The following MARS1 variants were observed in gnomAD, a reference collection of about 807,000 sequenced individuals.
The protein encoded by MARS1 is methionine--tRNA ligase, cytoplasmic.
In MARS1, 80 loss-of-function variants were observed where a neutral mutation model predicts 119.5. That is an observed-to-expected ratio of 0.67 (90% CI 0.56 to 0.81). The LOEUF (loss-of-function observed/expected upper bound fraction) is 0.81. MARS1 is among the 30% of genes least tolerant of loss of function. MARS1 has a pLI of 0.00. For synonymous variants in MARS1, 418 were observed against 433.4 expected (o/e 0.96, Z 0.44); for missense variants, 945 against 1,116.5 (o/e 0.85, Z 2.19).
At chr12:57,498,676 C>T (rs1876764115) in intron 9 of MARS1, 53 bp downstream of exon 9, 1 of 1,549,328 alleles carries the variant, frequency 6.5e-7, no homozygotes, top group South Asian at 1.1e-5. Context: ...AGACTGGGAA[C>T]AGTGGGAGTA....
At position 57,498,253 on chromosome 12, in the gene MARS1, C is replaced by T. The variant is rs764870776; in HGVS notation, c.867C>T (p.Leu289=). The change falls in exon 8 of 21, where the codon CTC becomes CTT. Residue 289 remains leucine (L), a synonymous_variant. Coordinates refer to ENST00000262027, the MANE Select transcript of MARS1 (RefSeq NM_004990.4). The part of the protein sequence containing the change: ...PHLGNIIGCV[L]SADVFARYSR... ...TTGGGAACATCATTGGTTGTGTGCT[C>T]AGTGCCGATGTCTTTGCCAGGTGGA... 6.2e-7 allele frequency: 1 copy of T among 1,614,150 alleles called. No homozygotes were observed. Among genetic ancestry groups the T allele is most frequent in the Admixed American group, 1.7e-5 (1 of 60,022 alleles).
chr12:57,511,947 C>A (rs1877542745), intron 12 of MARS1, 61 bp from the exon 13 acceptor site: 1 of 1,604,304 alleles, frequency 6.2e-7, no homozygotes, highest in East Asian at 2.2e-5. Context: ...CTGATTATGT[C>A]TTGTTTCAGT....
At chr12:57,493,701 T>A (rs1455360074) in intron 7 of MARS1, among the ~76,000 whole-genome samples, 2 of 8,612 alleles carry the variant, frequency 2.3e-4, no homozygotes, top group African/African-American at 9.1e-4. Context: ...TATTATATAT[T>A]ATAATATATT....
At chr12:57,505,653 A>T (rs1202314733) in intron 11 of MARS1, among the ~76,000 whole-genome samples, 2 of 151,270 alleles carry the variant, frequency 1.3e-5, no homozygotes, top group East Asian at 3.9e-4. Context: ...TTTACAACAT[A>T]ATTGAAAAAT....
intron 19 of MARS1, 108 bp downstream of exon 19, chr12:57,516,099 C>A (rs771069201): frequency 7.2e-7 from 1 of 1,388,708 alleles, no homozygotes; most frequent in Non-Finnish European, 1.0e-6. Context: ...TTGGCCCTGC[C>A]GCTTCCTCAC....
Position 57,489,105 on chromosome 12 carries a change from T to C in MARS1, c.196T>C (p.Cys66Arg). 1 of 1,614,044 alleles carries C rather than the reference T, an allele frequency of 6.2e-7. No homozygotes were observed. Among genetic ancestry groups the C allele is most frequent in the Non-Finnish European group, 8.5e-7 (1 of 1,179,938 alleles). ...GNYLFSTSAI[C>R]RYFFLLSGWE... The stretch of plus-strand genomic sequence containing the variant: ...CTACCTCTTCTCCACTAGTGCAATC[T>C]GCCGGTCAGTATTGGTCCTTGGTGT... Residue 66 changes from cysteine to arginine, a missense_variant, in exon 2 of 21, where the codon TGC (cysteine) becomes CGC (arginine). Transcript: ENST00000262027.
At chr12:57,493,704 A>ATATAATACATAAT (rs1486905347) in intron 7 of MARS1, among the ~76,000 whole-genome samples, 1 of 1,024 alleles carries the variant, frequency 9.8e-4, no homozygotes, top group Non-Finnish European at 2.5e-3. Context: ...TATATATTAT[A>ATATAATACATAAT]ATATATTATA....
At chr12:57,496,087 T>A (rs1201631494) in intron 7 of MARS1, among the ~76,000 whole-genome samples, 2 of 152,158 alleles carry the variant, frequency 1.3e-5, no homozygotes, top group East Asian at 3.9e-4. Flanking sequence ...TAGGCTGGTC[T>A]TGAACTGACC....
chr12:57,507,859 C>T (rs1594828562), intron 11 of MARS1, among the ~76,000 whole-genome samples: 1 of 150,280 alleles, frequency 6.7e-6, no homozygotes, highest in African/African-American at 2.5e-5. Flanking sequence ...TCCTCACTTC[C>T]CAGACGGGGT....
At chr12:57,492,008 G>A (rs554295864) in intron 7 of MARS1, among the ~76,000 whole-genome samples, 4 of 152,088 alleles carry the variant, frequency 2.6e-5, no homozygotes, top group Non-Finnish European at 4.4e-5. Flanking sequence ...GGCCGGGCGC[G>A]GTGGCTCATG....
intron 16 of MARS1, 27 bp from the exon 17 acceptor site, chr12:57,514,927 A>AC: frequency 1.2e-6 from 2 of 1,613,960 alleles, no homozygotes; most frequent in Non-Finnish European, 1.7e-6. Context: ...AGGACATTAC[A>AC]CCTTGGCCTG....
chr12:57,489,218 C>G (rs1875726896), intron 2 of MARS1, 49 bp from the exon 3 acceptor site: 1 of 1,604,604 alleles, frequency 6.2e-7, no homozygotes, highest in Non-Finnish European at 8.5e-7. Context: ...GAGAAATGGG[C>G]TAAATGGGCC....
In MARS1 at chr12:57,500,376, A is replaced by G. The variant is rs1876863515; in HGVS notation, c.1147A>G (p.Thr383Ala). 1 of 1,614,072 alleles carries G rather than the reference A, an allele frequency of 6.2e-7. No homozygotes were observed. ...GAAACGAGGTTTTGTGCTGCAAGAT[A>G]CTGTGGAGCAACTGCGATGTGAGCA... ...LLKRGFVLQD[T>A]VEQLRCEHCA... Residue 383 changes from threonine to alanine, a missense_variant, in exon 10 of 21, where the codon ACT becomes GCT. Coordinates refer to ENST00000262027, the MANE Select transcript of MARS1 (RefSeq NM_004990.4).
At chr12:57,488,595 C>G (rs1346280495) in intron 1 of MARS1, 1 of 1,551,122 alleles carries the variant, frequency 6.4e-7, no homozygotes, top group South Asian at 1.2e-5. Context: ...CACACACACA[C>G]GTTCCTTTCT....
At position 57,516,571 on chromosome 12, in the gene MARS1, A is replaced by G; in HGVS notation, c.2693A>G (p.Lys898Arg). Residue 898 changes from lysine (K) to arginine (R), a missense_variant, in exon 21 of 21, where the codon AAG becomes AGG. Lys to Arg is a conservative substitution (Grantham distance 26). Transcript: ENST00000262027. Reference protein sequence around the residue: ...GKPPEAPKGKKKK With the variant: ...GKPPEAPKGKRKK Reference sequence around the variant, plus strand: ...CCCCCTGAAGCCCCTAAAGGCAAGAAGAAAAAGTAAAAGACCTTGGCTCAT... The same window carrying G: ...CCCCCTGAAGCCCCTAAAGGCAAGAGGAAAAAGTAAAAGACCTTGGCTCAT... 1 of 1,576,194 alleles carries G rather than the reference A, an allele frequency of 6.3e-7. No homozygotes were observed. Among genetic ancestry groups the G allele is most frequent in the Non-Finnish European group, 8.6e-7 (1 of 1,168,690 alleles).
intron 11 of MARS1, among the ~76,000 whole-genome samples, chr12:57,510,946 T>C (rs1877483901): frequency 6.6e-6 from 1 of 151,684 alleles, no homozygotes; most frequent in African/African-American, 2.4e-5. Flanking sequence ...TGGTGGCACG[T>C]GCCTGTAGTG....
chr12:57,498,537 G>C lies in MARS1; in HGVS notation c.1005G>C (p.Lys335Asn), dbSNP rs1202997132. ...TAACCCCCCAGGAGATCTGCGACAAGTACCACATCATCCATGCTGACATCT... is the reference window on the plus strand; with the variant it reads ...TAACCCCCCAGGAGATCTGCGACAACTACCACATCATCCATGCTGACATCT... ...EGLTPQEICD[K>N]YHIIHADIYR... is the part of the protein sequence containing the mutation. Residue 335 changes from lysine to asparagine, a missense_variant, in exon 9 of 21, where the codon AAG becomes AAC. Coordinates refer to ENST00000262027, the MANE Select transcript of MARS1 (RefSeq NM_004990.4). 6.2e-7 allele frequency: 1 copy of C among 1,614,096 alleles called. No individual in the cohort carries two copies. The highest frequency in any genetic ancestry group is 8.5e-7 in the Non-Finnish European group (1 of 1,180,052).
intron 11 of MARS1, among the ~76,000 whole-genome samples, chr12:57,504,695 ATTTTTTTTTT>A (rs34351056): frequency 1.2e-4 from 10 of 83,586 alleles, no homozygotes; most frequent in East Asian, 3.9e-4. Context: ...TGCCTGACTG[ATTTTTTTTTT>A]TTTTTTTTTT....
Position 57,511,755 on chromosome 12 carries a change from C to T in MARS1, c.1426C>T (p.Pro476Ser). The T allele has an allele frequency of 1.2e-6, 2 of 1,614,200 alleles. No individual in the cohort carries two copies. Among genetic ancestry groups the T allele is most frequent in the Non-Finnish European group, 1.7e-6 (2 of 1,180,018 alleles). The change falls in exon 12 of 21, where the codon CCC (proline) becomes TCC (serine). Residue 476 changes from proline to serine, a missense_variant. Transcript: ENST00000262027. ...GRTLPGSDWT[P>S]NAQFITRSWL... ...GACATTGCCTGGCAGTGACTGGACACCCAATGCCCAGTTTATCACCCGTTC... is the reference window on the plus strand; with the variant it reads ...GACATTGCCTGGCAGTGACTGGACATCCAATGCCCAGTTTATCACCCGTTC...
Sources: gnomAD v4.1 joint callset for allele counts (sites outside exome capture counted in the v4.1 genomes callset) on GRCh38, gnomAD v4.1.1 for gene constraint, MANE v1.5 for transcripts, NCBI Gene and HGNC (gene_info 2026-07-23, HGNC 2026-07-21) for gene names.